The following PCSK5 variants were observed in gnomAD, a reference collection of about 807,000 sequenced individuals.
PCSK5 encodes proprotein convertase subtilisin/kexin type 5, also known as prohormone convertase 5.
In PCSK5, 129 loss-of-function variants were observed where a neutral mutation model predicts 233.2. That is an observed-to-expected ratio of 0.55 (90% CI 0.48 to 0.64). The LOEUF (loss-of-function observed/expected upper bound fraction) is 0.64. Among genes scored for constraint, PCSK5 ranks in the 30% least tolerant of loss-of-function variants. The pLI is 0.00. For missense variants in PCSK5, 2,076 were observed against 2,430.1 expected (o/e 0.85, Z 3.06); for synonymous variants, 825 against 879.2 (o/e 0.94, Z 1.09).
chr9:75,994,400 CTTTTTTTTTTTTTTTTTTTTTTTT>C lies in PCSK5; in HGVS notation c.411+8174_411+8197del, dbSNP rs550518074. The stretch of plus-strand genomic sequence containing the variant: ...GTTTCTTTCTTTTCTTTCTTTCTTT[CTTTTTTTTTTTTTTTTTTTTTTTT>C]TTTTTTTTTTTTTTTTTTGAGATGG... On this transcript the variant is annotated intron_variant, in intron 3 of 37. Transcript: ENST00000674117. 9.5e-4 allele frequency among the ~76,000 whole-genome samples: 78 copies of C among 82,030 alleles called. 4 individuals are homozygous for C. Among genetic ancestry groups the C allele is most frequent in the African/African-American group, 3.6e-3 (61 of 16,836 alleles). The allele number at this position is 82,030 out of a possible 152,430, so 53.8% of individuals were successfully genotyped here. A position where few individuals can be genotyped will look rare whatever the true frequency, so the allele number is the denominator to read the frequency against.
In PCSK5 at chr9:76,257,467, G is replaced by A. The variant is rs538638493; in HGVS notation, c.3142+16783G>A. On this transcript the variant is annotated intron_variant, in intron 24 of 37. Transcript: ENST00000674117. ...TCAGTAAATTGCCTCTGCACCTCTA[G>A]AGCCTGAAATTCCTGCTTTCCAAAA... 2.0e-5 allele frequency among the ~76,000 whole-genome samples: 3 copies of A among 152,228 alleles called. No homozygotes were observed. In the South Asian group the frequency reaches 6.2e-4, roughly 32 times the overall value.
At chr9:76,348,131 G>C (rs937512160) in intron 35 of PCSK5, among the ~76,000 whole-genome samples, 1 of 151,130 alleles carries the variant, frequency 6.6e-6, no homozygotes, top group African/African-American at 2.4e-5. Context: ...AAATTTGGTC[G>C]GGTGCAGTGG....
At chr9:76,133,951 G>A (rs1822866420) in intron 9 of PCSK5, among the ~76,000 whole-genome samples, 158 bp from the exon 10 acceptor site, 1 of 152,000 alleles carries the variant, frequency 6.6e-6, no homozygotes, top group African/African-American at 2.4e-5. Context: ...GAGAACAAGA[G>A]CGGCATTTGG....
At chr9:76,169,908 A>C (rs1213965019) in intron 13 of PCSK5, 68 bp downstream of exon 13, 1 of 1,319,782 alleles carries the variant, frequency 7.6e-7, no homozygotes, top group Non-Finnish European at 1.1e-6. Context: ...TTTTGGCCAG[A>C]GTGTTTCACA....
At chr9:76,355,327 G>C (rs1830272179) in intron 37 of PCSK5, among the ~76,000 whole-genome samples, 1 of 152,026 alleles carries the variant, frequency 6.6e-6, no homozygotes, top group Non-Finnish European at 1.5e-5. Context: ...AAAAAAATTA[G>C]CCAGGCGTGG....
chr9:76,321,874 C>G (rs949119958), intron 31 of PCSK5, among the ~76,000 whole-genome samples: 2 of 152,132 alleles, frequency 1.3e-5, no homozygotes, highest in African/African-American at 4.8e-5. Flanking sequence ...TACACTCACC[C>G]CCATATGTAC....
intron 24 of PCSK5, among the ~76,000 whole-genome samples, chr9:76,251,406 A>C (rs955366013): frequency 1.3e-5 from 2 of 151,950 alleles, no homozygotes; most frequent in African/African-American, 4.8e-5. Flanking sequence ...TATTAAAAAT[A>C]CAAAAAAATT....
At chr9:76,191,906 C>G (rs768023211) in intron 20 of PCSK5, among the ~76,000 whole-genome samples, 3 of 151,150 alleles carry the variant, frequency 2.0e-5, no homozygotes, top group Non-Finnish European at 4.4e-5. Context: ...TGGTGAAACC[C>G]CATCTCTACT....
chr9:76,088,754 T>C (rs1158035751), intron 7 of PCSK5, among the ~76,000 whole-genome samples: 1 of 152,196 alleles, frequency 6.6e-6, no homozygotes, highest in Non-Finnish European at 1.5e-5. Flanking sequence ...ACATTATCTC[T>C]GTGCATCACC....
intron 3 of PCSK5, among the ~76,000 whole-genome samples, chr9:75,998,634 A>G (rs771412851): frequency 1.3e-5 from 2 of 152,222 alleles, no homozygotes; most frequent in Non-Finnish European, 2.9e-5. Flanking sequence ...CAGGTTGGTG[A>G]TCACATATTT....
At chr9:76,284,003 T>A (rs995192435) in intron 24 of PCSK5, among the ~76,000 whole-genome samples, 1 of 152,188 alleles carries the variant, frequency 6.6e-6, no homozygotes, top group Non-Finnish European at 1.5e-5. Flanking sequence ...AAACTCAACA[T>A]GTTTTGACAA....
intron 24 of PCSK5, among the ~76,000 whole-genome samples, chr9:76,288,233 C>T (rs1828149528): frequency 6.6e-6 from 1 of 152,142 alleles, no homozygotes; most frequent in Admixed American, 6.5e-5. Context: ...CAAGGTGAAA[C>T]TCACTTCTCA....
intron 36 of PCSK5, 113 bp downstream of exon 36, chr9:76,351,041 A>C: frequency 1.6e-6 from 1 of 638,944 alleles, no homozygotes; most frequent in Non-Finnish European, 2.8e-6. Context: ...CATACTATAG[A>C]AATAGTGTAT....
At chr9:76,342,770 C>T (rs1829870305) in intron 35 of PCSK5, among the ~76,000 whole-genome samples, 1 of 152,094 alleles carries the variant, frequency 6.6e-6, no homozygotes, top group Non-Finnish European at 1.5e-5. Flanking sequence ...TCACCCCACT[C>T]CCAAACTACT....
At chr9:76,230,553 C>T (rs902619100) in intron 21 of PCSK5, among the ~76,000 whole-genome samples, 2 of 152,188 alleles carry the variant, frequency 1.3e-5, no homozygotes, top group Admixed American at 1.3e-4. Context: ...AGGCCATGAA[C>T]TGATATTGGT....
chr9:75,959,426 G>A (rs1825237952), intron 2 of PCSK5, among the ~76,000 whole-genome samples: 1 of 152,158 alleles, frequency 6.6e-6, no homozygotes, highest in African/African-American at 2.4e-5. Context: ...GTTCCATGTT[G>A]ACAAGCTTGG....
intron 7 of PCSK5, among the ~76,000 whole-genome samples, chr9:76,095,574 C>A (rs1356385448): frequency 6.6e-6 from 1 of 152,138 alleles, no homozygotes; most frequent in African/African-American, 2.4e-5. Context: ...CACAGCATAA[C>A]GGGGACAGGA....
chr9:76,005,267 C>A (rs1033286222), intron 3 of PCSK5, among the ~76,000 whole-genome samples: 1 of 152,126 alleles, frequency 6.6e-6, no homozygotes, highest in African/African-American at 2.4e-5. Context: ...GTTGCTTGAA[C>A]AAATTTTTTT....
At chr9:76,060,704 G>C (rs1829997460) in intron 5 of PCSK5, among the ~76,000 whole-genome samples, 1 of 152,152 alleles carries the variant, frequency 6.6e-6, no homozygotes, top group Admixed American at 6.5e-5. Flanking sequence ...AGTTGAATCA[G>C]TCTAAAGTCT....
Sources: gnomAD v4.1 joint callset for allele counts (sites outside exome capture counted in the v4.1 genomes callset) on GRCh38, gnomAD v4.1.1 for gene constraint, MANE v1.5 for transcripts, NCBI Gene and HGNC (gene_info 2026-07-23, HGNC 2026-07-21) for gene names.